The following ADAMTSL3 variants were observed in gnomAD, a reference collection of about 807,000 sequenced individuals.
The protein encoded by ADAMTSL3 is ADAMTS-like protein 3.
In ADAMTSL3, 128 loss-of-function variants were observed where a neutral mutation model predicts 201.7. That is an observed-to-expected ratio of 0.63 (90% CI 0.55 to 0.73). The LOEUF is 0.73. ADAMTSL3 is among the 30% of genes least tolerant of loss of function. ADAMTSL3 has a pLI of 0.00. For missense variants in ADAMTSL3, 1,990 were observed against 2,119.6 expected, an observed-to-expected ratio of 0.94 and a Z score of 1.20; for synonymous variants, 738 against 748.4, an observed-to-expected ratio of 0.99 and a Z score of 0.23.
chr15:83,711,726 G>C (rs1299783826), intron 3 of ADAMTSL3, among the ~76,000 whole-genome samples: 1 of 152,216 alleles, frequency 6.6e-6, no homozygotes, highest in Non-Finnish European at 1.5e-5. Context: ...CTGATTGACT[G>C]TGTCACACAT....
chr15:83,982,297 A>T lies in ADAMTSL3; in HGVS notation c.2669A>T (p.Lys890Ile). 6.2e-7 allele frequency: 1 copy of T among 1,600,162 alleles called. No homozygotes were observed. The highest frequency in any genetic ancestry group is 1.1e-5 in the South Asian group (1 of 88,970). The change falls in exon 21 of 30, where the codon AAA becomes ATA. Residue 890 changes from lysine to isoleucine, a missense_variant. Coordinates refer to ENST00000286744, the MANE Select transcript of ADAMTSL3 (RefSeq NM_207517.3). Reference sequence around the variant, plus strand: ...GAAATCAAATCAGAGATGAAGACAAAACTTGGTGAGCAGGGTCCGCAGATC... The same window carrying T: ...GAAATCAAATCAGAGATGAAGACAATACTTGGTGAGCAGGGTCCGCAGATC... ...CSKIKSEMKTKLGEQGPQILS... is the reference protein window; with the variant it reads ...CSKIKSEMKTILGEQGPQILS...
rs901565481 is a variant in ADAMTSL3 at position 83,804,559 on chromosome 15, A to G, written c.318-91A>G. 19 of 824,762 alleles carry G rather than the reference A, an allele frequency of 2.3e-5. No individual in the cohort carries two copies. In the African/African-American group the frequency reaches 3.2e-4, roughly 14 times the overall value. 51.1% of individuals were successfully genotyped at this position (824,762 alleles called of 1,614,324 possible). On this transcript the variant is annotated intron_variant, in intron 4 of 29. Coordinates refer to ENST00000286744, the MANE Select transcript of ADAMTSL3 (RefSeq NM_207517.3). ...CTAGTAAAAGTTTTACAGGGAACCAATGCCTTGTATTTGCTTTTTTTTTTT... is the reference window on the plus strand; with the variant it reads ...CTAGTAAAAGTTTTACAGGGAACCAGTGCCTTGTATTTGCTTTTTTTTTTT...
At chr15:83,700,225 C>T (rs552278037) in intron 2 of ADAMTSL3, among the ~76,000 whole-genome samples, 89 of 152,304 alleles carry the variant, frequency 5.8e-4, no homozygotes, top group African/African-American at 1.6e-3. Flanking sequence ...ATGGATCTGT[C>T]CAGGTATTGG....
chr15:83,790,126 A>G (rs1222630764), intron 4 of ADAMTSL3, among the ~76,000 whole-genome samples: 5 of 151,208 alleles, frequency 3.3e-5, no homozygotes, highest in Non-Finnish European at 4.4e-5. Flanking sequence ...TAAGGCCTAG[A>G]TGGTTTCACT....
At chr15:84,011,286 G>T in intron 23 of ADAMTSL3, among the ~76,000 whole-genome samples, 1 of 152,018 alleles carries the variant, frequency 6.6e-6, no homozygotes. Context: ...AGAAATAGAA[G>T]GAAATTTATA....
chr15:83,842,766 G>A (rs2064409512), intron 7 of ADAMTSL3, among the ~76,000 whole-genome samples: 1 of 152,200 alleles, frequency 6.6e-6, no homozygotes. Context: ...AGGCTATACT[G>A]AGAAGTGTTC....
At chr15:83,694,613 C>A (rs1435693499) in intron 2 of ADAMTSL3, among the ~76,000 whole-genome samples, 1 of 152,022 alleles carries the variant, frequency 6.6e-6, no homozygotes, top group Non-Finnish European at 1.5e-5. Context: ...GAAAGAGGAT[C>A]TGCATTGTGT....
chr15:83,855,606 A>C, intron 7 of ADAMTSL3, among the ~76,000 whole-genome samples: 1 of 152,160 alleles, frequency 6.6e-6, no homozygotes, highest in African/African-American at 2.4e-5. Flanking sequence ...GTTGTTTTCA[A>C]GGTTACCATG....
At chr15:83,699,070 T>G (rs1187653017) in intron 2 of ADAMTSL3, among the ~76,000 whole-genome samples, 1 of 151,920 alleles carries the variant, frequency 6.6e-6, no homozygotes, top group Non-Finnish European at 1.5e-5. Context: ...CTCTAGGGAG[T>G]GGCTTTTCTG....
At chr15:83,792,791 CAAAAAAA>C (rs71156100) in intron 4 of ADAMTSL3, among the ~76,000 whole-genome samples, 3 of 122,442 alleles carry the variant, frequency 2.5e-5, no homozygotes, top group Non-Finnish European at 5.2e-5. Context: ...GACTCTGTCT[CAAAAAAA>C]AAAAAAAAAT....
chr15:83,778,750 C>A (rs570336519), intron 4 of ADAMTSL3, among the ~76,000 whole-genome samples: 3 of 152,250 alleles, frequency 2.0e-5, no homozygotes, highest in African/African-American at 7.2e-5. Flanking sequence ...ATGACAGGAT[C>A]AAATCCGTAC....
intron 3 of ADAMTSL3, among the ~76,000 whole-genome samples, chr15:83,748,472 A>T (rs2062583764): frequency 6.6e-6 from 1 of 151,758 alleles, no homozygotes; most frequent in African/African-American, 2.4e-5. Context: ...ACATGGCGAA[A>T]CCCTGTCTTT....
chr15:83,684,351 C>T (rs1168701309), intron 2 of ADAMTSL3, among the ~76,000 whole-genome samples: 3 of 152,116 alleles, frequency 2.0e-5, no homozygotes, highest in Non-Finnish European at 4.4e-5. Context: ...TAATTTCTTT[C>T]CTGTTCTTTA....
At chr15:83,792,067 A>T (rs2063353555) in intron 4 of ADAMTSL3, among the ~76,000 whole-genome samples, 1 of 152,162 alleles carries the variant, frequency 6.6e-6, no homozygotes, top group Admixed American at 6.5e-5. Flanking sequence ...GAAACAATCA[A>T]CAGAGAGAAG....
intron 6 of ADAMTSL3, among the ~76,000 whole-genome samples, chr15:83,832,378 A>G (rs1429527875): frequency 6.6e-6 from 1 of 152,178 alleles, no homozygotes; most frequent in Non-Finnish European, 1.5e-5. Flanking sequence ...AGTGCATTTT[A>G]AATGAGTGCT....
At chr15:83,985,572 G>A (rs2067460099) in intron 21 of ADAMTSL3, among the ~76,000 whole-genome samples, 1 of 152,092 alleles carries the variant, frequency 6.6e-6, no homozygotes, top group South Asian at 2.1e-4. Flanking sequence ...AAAACGTATG[G>A]ACCCAAGGGT....
At chr15:83,700,737 C>T (rs2141490411) in intron 2 of ADAMTSL3, among the ~76,000 whole-genome samples, 1 of 152,170 alleles carries the variant, frequency 6.6e-6, no homozygotes, top group South Asian at 2.1e-4. Context: ...CAATTCCAGC[C>T]TGGGTGACAG....
chr15:83,946,994 T>C (rs2066666950), intron 19 of ADAMTSL3, among the ~76,000 whole-genome samples: 1 of 152,204 alleles, frequency 6.6e-6, no homozygotes, highest in African/African-American at 2.4e-5. Context: ...AAGCCATTGG[T>C]GAGGCTTGAG....
chr15:83,884,612 A>G (rs2065351565), intron 9 of ADAMTSL3, among the ~76,000 whole-genome samples: 1 of 152,074 alleles, frequency 6.6e-6, no homozygotes, highest in Non-Finnish European at 1.5e-5. Flanking sequence ...CTGTTTAAAC[A>G]CCATATATTT....
Sources: gnomAD v4.1 joint callset for allele counts (sites outside exome capture counted in the v4.1 genomes callset) on GRCh38, gnomAD v4.1.1 for gene constraint, MANE v1.5 for transcripts, NCBI Gene and HGNC (gene_info 2026-07-23, HGNC 2026-07-21) for gene names.